The following KCNH8 variants were observed in gnomAD, a reference collection of about 807,000 sequenced individuals.
The protein encoded by KCNH8 is voltage-gated delayed rectifier potassium channel KCNH8.
In KCNH8, 70 loss-of-function variants were observed where a neutral mutation model predicts 103.6. That is an observed-to-expected ratio of 0.68 (90% confidence interval 0.56 to 0.82). The LOEUF (loss-of-function observed/expected upper bound fraction) is 0.82. Ranked by LOEUF, KCNH8 falls within the 40% of genes least tolerant of loss-of-function variation. KCNH8 has a pLI of 0.00. For missense variants in KCNH8, 1,217 were observed against 1,329.9 expected (o/e 0.92, Z 1.32); for synonymous variants, 498 against 489.4 (o/e 1.02, Z -0.23).
In KCNH8 at chr3:19,212,696, C is replaced by G. The variant is rs141074708; in HGVS notation, c.77-40958C>G. ...CACCACCTCAGAGTGGAAGTGGGAA[C>G]AGGAGCTCTGGCAAAGATAATTCAG... On this transcript the variant is annotated intron_variant, in intron 1 of 15. Coordinates refer to ENST00000328405, the MANE Select transcript of KCNH8 (RefSeq NM_144633.3). Among the ~76,000 whole-genome samples the G allele has an allele frequency of 6.6e-5, 10 of 152,268 alleles. 1 individual carries two copies. In the East Asian group the frequency reaches 1.9e-3, roughly 29 times the overall value.
chr3:19,377,826 C>G (rs2066232779), intron 5 of KCNH8, among the ~76,000 whole-genome samples: 1 of 152,178 alleles, frequency 6.6e-6, no homozygotes, highest in Non-Finnish European at 1.5e-5. Context: ...AAAGACTATT[C>G]TCAAAAGGCT....
At chr3:19,211,479 C>G (rs2125225339) in intron 1 of KCNH8, among the ~76,000 whole-genome samples, 1 of 152,248 alleles carries the variant, frequency 6.6e-6, no homozygotes, top group Non-Finnish European at 1.5e-5. Flanking sequence ...GGCGTAGTCT[C>G]TGTACCACTG....
chr3:19,383,774 A>C (rs2066319303), intron 5 of KCNH8, among the ~76,000 whole-genome samples: 2 of 152,188 alleles, frequency 1.3e-5, no homozygotes, highest in Non-Finnish European at 2.9e-5. Context: ...ATGATTGAAT[A>C]TTATAGATTA....
At chr3:19,209,761 C>T (rs1401896177) in intron 1 of KCNH8, among the ~76,000 whole-genome samples, 2 of 152,024 alleles carry the variant, frequency 1.3e-5, no homozygotes, top group South Asian at 2.1e-4. Context: ...GAGGCACTGC[C>T]TGTTCACTCC....
chr3:19,313,209 G>A (rs1575518792), intron 3 of KCNH8, among the ~76,000 whole-genome samples: 1 of 151,770 alleles, frequency 6.6e-6, no homozygotes, highest in Non-Finnish European at 1.5e-5. Context: ...TCAAAAGGGG[G>A]CTTAGGATTA....
At chr3:19,457,098 C>A in intron 11 of KCNH8, 116 bp downstream of exon 11, 3 of 607,346 alleles carry the variant, frequency 4.9e-6, no homozygotes, top group Non-Finnish European at 8.5e-6. Flanking sequence ...ATATCTAAGA[C>A]GTGAATATTC....
chr3:19,529,501 T>A (rs368150890), intron 15 of KCNH8, among the ~76,000 whole-genome samples: 15 of 152,288 alleles, frequency 9.8e-5, no homozygotes, highest in African/African-American at 3.4e-4. Context: ...TACCATGCTA[T>A]GAAGAAGCAC....
chr3:19,216,811 T>C (rs1043417786), intron 1 of KCNH8, among the ~76,000 whole-genome samples: 5 of 152,168 alleles, frequency 3.3e-5, no homozygotes, highest in Admixed American at 3.3e-4. Flanking sequence ...ATCAACAGGA[T>C]TGGTTTTTCC....
At chr3:19,186,951 A>C (rs940080852) in intron 1 of KCNH8, among the ~76,000 whole-genome samples, 9 of 152,094 alleles carry the variant, frequency 5.9e-5, no homozygotes, top group Non-Finnish European at 1.0e-4. Context: ...ATGGTCTCCC[A>C]TTCAATTCAG....
chr3:19,529,463 A>G (rs143597475), intron 15 of KCNH8, among the ~76,000 whole-genome samples: 6 of 152,216 alleles, frequency 3.9e-5, no homozygotes, highest in African/African-American at 1.4e-4. Context: ...AGCCCCAACA[A>G]TCCTTTTTTA....
At chr3:19,302,493 C>A (rs9819481) in intron 3 of KCNH8, among the ~76,000 whole-genome samples, 37,504 of 152,008 alleles carry the variant, frequency 0.25, 5,073 homozygotes, top group African/African-American at 0.33. Flanking sequence ...AAATTAAAGA[C>A]CATTTCATCA....
intron 1 of KCNH8, among the ~76,000 whole-genome samples, chr3:19,165,278 T>C (rs1416540098): frequency 6.6e-6 from 1 of 152,224 alleles, no homozygotes; most frequent in Admixed American, 6.5e-5. Flanking sequence ...CACACGAACC[T>C]AATAGAATGA....
chr3:19,321,508 T>G (rs946341280), intron 3 of KCNH8, among the ~76,000 whole-genome samples: 3 of 151,886 alleles, frequency 2.0e-5, no homozygotes, highest in Non-Finnish European at 4.4e-5. Context: ...CCTATTGGAG[T>G]TGATTTCCAA....
chr3:19,384,874 G>A lies in KCNH8; in HGVS notation c.812-5607G>A, dbSNP rs1261769326. On this transcript the variant is annotated intron_variant, in intron 5 of 15. Coordinates refer to ENST00000328405, the MANE Select transcript of KCNH8 (RefSeq NM_144633.3). ...TTTTCAAAATCAAAATTGATAAGGA[G>A]GCTTACTATGTAAAATGAATAAAAG... Among the ~76,000 whole-genome samples the A allele has an allele frequency of 2.6e-5, 4 of 152,102 alleles. No individual in the cohort carries two copies. The East Asian group carries it at 7.7e-4, about 29-fold the overall frequency.
chr3:19,301,805 C>A (rs1425834109), intron 3 of KCNH8, among the ~76,000 whole-genome samples: 1 of 152,182 alleles, frequency 6.6e-6, no homozygotes, highest in Admixed American at 6.5e-5. Flanking sequence ...TACAACTACT[C>A]CAACACCCTC....
intron 7 of KCNH8, among the ~76,000 whole-genome samples, chr3:19,432,168 A>G (rs1196885123): frequency 3.9e-5 from 6 of 152,188 alleles, no homozygotes; most frequent in Admixed American, 2.6e-4. Flanking sequence ...TTTTACATGT[A>G]CTTTTATGAT....
At chr3:19,492,455 G>C (rs2068343935) in intron 11 of KCNH8, among the ~76,000 whole-genome samples, 2 of 152,038 alleles carry the variant, frequency 1.3e-5, no homozygotes, top group African/African-American at 4.8e-5. Flanking sequence ...ACTTATGTTT[G>C]TCGATCTTAT....
chr3:19,533,435 A>C lies in KCNH8; in HGVS notation c.2660A>C (p.Asp887Ala), dbSNP rs545658161. The C allele has an allele frequency of 2.7e-5, 44 of 1,614,118 alleles. No homozygotes were observed. In the East Asian group the frequency reaches 9.1e-4, roughly 34 times the overall value. Residue 887 changes from aspartate to alanine, a missense_variant, in exon 16 of 16, where the codon GAC becomes GCC. Around this residue, in one of 3 missense-constraint regions of KCNH8, gnomAD observed 558 missense variants for 495.8 expected, o/e 1.13. Coordinates refer to ENST00000328405, the MANE Select transcript of KCNH8 (RefSeq NM_144633.3). Reference protein sequence around the residue: ...LTQEVSQLGKDMRNVIQLLEN... With the variant: ...LTQEVSQLGKAMRNVIQLLEN... Reference sequence around the variant, plus strand: ...CAGGAAGTTTCTCAGTTGGGTAAAGACATGAGAAATGTGATCCAGCTTCTG... The same window carrying C: ...CAGGAAGTTTCTCAGTTGGGTAAAGCCATGAGAAATGTGATCCAGCTTCTG...
intron 13 of KCNH8, 43 bp from the exon 14 acceptor site, chr3:19,515,279 G>A (rs752472007): frequency 9.5e-7 from 1 of 1,058,050 alleles, no homozygotes; most frequent in Admixed American, 2.2e-5. Context: ...TGGAATCCAT[G>A]AATATGAATC....
Sources: gnomAD v4.1 joint callset for allele counts (sites outside exome capture counted in the v4.1 genomes callset) on GRCh38, gnomAD v4.1.1 for gene constraint, gnomAD v4.1.1 regional missense constraint, MANE v1.5 for transcripts, NCBI Gene and HGNC (gene_info 2026-07-23, HGNC 2026-07-21) for gene names.